The following LNX1 variants were observed in gnomAD, a reference collection of about 807,000 sequenced individuals.
LNX1 encodes the protein ligand of numb-protein X 1.
Under a neutral mutation model 68.4 loss-of-function variants are expected in LNX1, and 54 were observed. The ratio of observed to expected loss-of-function variants is 0.79; its 90% CI spans 0.63 to 0.99. LNX1 has a LOEUF of 0.99. Among genes scored for constraint, LNX1 ranks in the 50% least tolerant of loss-of-function variants. The pLI is 0.00. For synonymous variants in LNX1, 336 were observed against 350.0 expected (o/e 0.96, Z 0.45); for missense variants, 906 against 926.4 (o/e 0.98, Z 0.29).
chr4:53,533,529 G>A (rs1728163426), intron 2 of LNX1, among the ~76,000 whole-genome samples: 1 of 152,150 alleles, frequency 6.6e-6, no homozygotes, highest in South Asian at 2.1e-4. Flanking sequence ...CTCCTGAGTA[G>A]CTGGGACTAC....
chr4:53,499,985 G>C (rs1183625064), intron 4 of LNX1: 4 of 152,180 alleles, frequency 2.6e-5, no homozygotes, highest in African/African-American at 9.7e-5. Flanking sequence ...ATCCCATTGT[G>C]ACCACACAGA....
At chr4:53,523,831 A>G (rs1727420236) in intron 2 of LNX1, among the ~76,000 whole-genome samples, 1 of 152,192 alleles carries the variant, frequency 6.6e-6, no homozygotes, top group African/African-American at 2.4e-5. Context: ...ATACTCAATG[A>G]AGCCTCCATT....
chr4:53,646,971 A>T (rs1734910190), intron 1 of LNX1, among the ~76,000 whole-genome samples: 1 of 152,258 alleles, frequency 6.6e-6, no homozygotes, highest in Non-Finnish European at 1.5e-5. Context: ...TGTAAAAGGC[A>T]GGAAGTGTCC....
intron 1 of LNX1, among the ~76,000 whole-genome samples, chr4:53,627,642 T>C (rs1190040471): frequency 6.6e-6 from 1 of 152,016 alleles, no homozygotes; most frequent in Non-Finnish European, 1.5e-5. Context: ...TGCACAGAGG[T>C]GAGTAATTTT....
At chr4:53,621,787 G>A (rs1733888747), upstream of LNX1, among the ~76,000 whole-genome samples, 1 of 152,156 alleles carries the variant, frequency 6.6e-6, no homozygotes, top group Non-Finnish European at 1.5e-5. Context: ...ATAGAGGCAG[G>A]GACATGAAAT....
intron 2 of LNX1, among the ~76,000 whole-genome samples, chr4:53,537,922 C>T (rs1728487808): frequency 6.6e-6 from 1 of 152,236 alleles, no homozygotes; most frequent in Non-Finnish European, 1.5e-5. Context: ...TGAGTTGCAT[C>T]TGTACCTCTC....
At chr4:53,564,963 CGA>C (rs1274315100) in intron 2 of LNX1, among the ~76,000 whole-genome samples, 2 of 152,194 alleles carry the variant, frequency 1.3e-5, no homozygotes, top group African/African-American at 4.8e-5. Context: ...TGGCGCACCA[CGA>C]GATTATATCC....
rs1320171368 is a variant in LNX1, at chr4:53,612,319, A to C, written c.-215+4198T>G. On this transcript the variant is annotated intron_variant, in intron 2 of 3. Transcript: ENST00000504299. Reference sequence around the variant, plus strand: ...CCTCTTGCAGGAGCAGCATGGCACTATCTATTACAATTTAAAATACAGACA... The same window carrying C: ...CCTCTTGCAGGAGCAGCATGGCACTCTCTATTACAATTTAAAATACAGACA... Among the ~76,000 whole-genome samples, 5 of 152,332 alleles carry C rather than the reference A, an allele frequency of 3.3e-5. No individual in the cohort carries two copies. The East Asian group carries it at 9.6e-4, about 29-fold the overall frequency.
At chr4:53,555,274 G>A (rs2109717770) in intron 2 of LNX1, among the ~76,000 whole-genome samples, 1 of 152,246 alleles carries the variant, frequency 6.6e-6, no homozygotes. Flanking sequence ...AGTTTTTCAA[G>A]CTTTGGTGAC....
intron 2 of LNX1, among the ~76,000 whole-genome samples, chr4:53,605,822 T>A (rs1377700327): frequency 1.3e-5 from 2 of 152,254 alleles, no homozygotes; most frequent in Non-Finnish European, 2.9e-5. Flanking sequence ...CCATCATCTA[T>A]CAATGGACAC....
At chr4:53,598,337 G>T (rs1169799164) in intron 2 of LNX1, among the ~76,000 whole-genome samples, 1 of 151,788 alleles carries the variant, frequency 6.6e-6, no homozygotes, top group African/African-American at 2.4e-5. Context: ...ATGATTAAGG[G>T]ATTCTCCACC....
rs890016887 is a variant in LNX1, at chr4:53,461,572, A to G, written c.1914T>C (p.Asp638=). The G allele has an allele frequency of 3.1e-6, 5 of 1,611,802 alleles. No individual in the cohort carries two copies. Among genetic ancestry groups the G allele is most frequent in the South Asian group, 1.1e-5 (1 of 90,930 alleles). ...ELPRCLYNCK[D]IVLRRNTAGS... ...CAGCTGTGTTTCTTCGTAATACAAT[A>G]TCTTTACAGTTATACAAGCACCTGA... is the stretch of plus-strand genomic sequence containing the variant. The change falls in exon 10 of 11, where the codon GAT becomes GAC. Residue 638 remains aspartate (D), a synonymous_variant. Transcript: ENST00000263925.
chr4:53,587,446 C>A (rs1732244844), intron 1 of LNX1, among the ~76,000 whole-genome samples: 1 of 152,148 alleles, frequency 6.6e-6, no homozygotes, highest in Non-Finnish European at 1.5e-5. Flanking sequence ...GAGGCATTGT[C>A]AGAGGACAAT....
intron 4 of LNX1, among the ~76,000 whole-genome samples, chr4:53,506,011 A>C (rs1375348404): frequency 3.9e-5 from 6 of 152,244 alleles, no homozygotes; most frequent in Non-Finnish European, 4.4e-5. Flanking sequence ...ATCATGAATA[A>C]GTATACAAGA....
At chr4:53,554,645 A>G (rs899092530) in intron 2 of LNX1, among the ~76,000 whole-genome samples, 1 of 152,196 alleles carries the variant, frequency 6.6e-6, no homozygotes, top group Non-Finnish European at 1.5e-5. Context: ...CAAGGTCAGG[A>G]GTTCAAGACC....
At chr4:53,489,885 T>C (rs1036222174) in intron 6 of LNX1, among the ~76,000 whole-genome samples, 4 of 152,138 alleles carry the variant, frequency 2.6e-5, no homozygotes, top group African/African-American at 9.7e-5. Flanking sequence ...TTAAGTGTAC[T>C]GATCTGTTAA....
chr4:53,513,958 T>A (rs1726552850), intron 2 of LNX1, among the ~76,000 whole-genome samples: 1 of 152,194 alleles, frequency 6.6e-6, no homozygotes, highest in African/African-American at 2.4e-5. Flanking sequence ...CTCCTGCTAG[T>A]CCTCAAACTT....
chr4:53,475,597 T>G (rs768220506), intron 9 of LNX1, among the ~76,000 whole-genome samples: 3 of 152,244 alleles, frequency 2.0e-5, no homozygotes, highest in Non-Finnish European at 2.9e-5. Flanking sequence ...TTTTCCATAT[T>G]TAGTCCTATG....
At chr4:53,535,569 A>C (rs1035599053) in intron 2 of LNX1, among the ~76,000 whole-genome samples, 1 of 152,168 alleles carries the variant, frequency 6.6e-6, no homozygotes, top group Non-Finnish European at 1.5e-5. Flanking sequence ...GAATACTTTA[A>C]AACTCTGCAT....
Sources: gnomAD v4.1 joint callset for allele counts (sites outside exome capture counted in the v4.1 genomes callset) on GRCh38, gnomAD v4.1.1 for gene constraint, MANE v1.5 for transcripts, NCBI Gene and HGNC (gene_info 2026-07-23, HGNC 2026-07-21) for gene names.